Variants in CRY1 observed in about 807,000 individuals in gnomAD.
CRY1 encodes the protein cryptochrome-1.
CRY1 carries 45 observed loss-of-function variants against 76.0 expected under a neutral mutation model. The ratio of observed to expected loss-of-function variants is 0.59; its 90% CI spans 0.47 to 0.76. The LOEUF (loss-of-function observed/expected upper bound fraction) is 0.76, where lower values mean the gene tolerates loss of function less well. Ranked by LOEUF, CRY1 falls within the 30% of genes least tolerant of loss-of-function variation. CRY1 has a pLI of 0.00. For synonymous variants in CRY1, 248 were observed against 244.0 expected (o/e 1.02, Z -0.15); for missense variants, 587 against 716.4 (o/e 0.82, Z 2.06).
At chr12:107,021,684 G>A (rs1055367062) in intron 2 of CRY1, among the ~76,000 whole-genome samples, 7 of 151,302 alleles carry the variant, frequency 4.6e-5, no homozygotes, top group Admixed American at 4.0e-4. Context: ...ACACATGGAT[G>A]TGTGTGTGTG....
In CRY1 at chr12:107,001,852, T is replaced by G. The variant is rs143144195; in HGVS notation, c.507A>C (p.Thr169=). ...KMEPLEIPVE[T]ITSEVIEKCT... Reference sequence around the variant, plus strand: ...ACTTTTCTATCACTTCTGAAGTAATTGTCTCTACTGGTATCTCTAGTGGTT... The same window carrying G: ...ACTTTTCTATCACTTCTGAAGTAATGGTCTCTACTGGTATCTCTAGTGGTT... The change falls in exon 4 of 13, where the codon ACA becomes ACC. Residue 169 remains threonine (T), a synonymous_variant. Transcript: ENST00000008527. The G allele has an allele frequency of 6.3e-7, 1 of 1,594,918 alleles. No individual in the cohort carries two copies. Among genetic ancestry groups the G allele is most frequent in the East Asian group, 2.3e-5 (1 of 44,280 alleles).
intron 10 of CRY1, among the ~76,000 whole-genome samples, chr12:106,995,215 A>C (rs1182021744): frequency 6.6e-6 from 1 of 152,208 alleles, no homozygotes; most frequent in Non-Finnish European, 1.5e-5. Flanking sequence ...TACTGTGAGA[A>C]AGTATGCAAA....
At chr12:107,072,664 T>C (rs149112781) in intron 1 of CRY1, among the ~76,000 whole-genome samples, 2 of 152,336 alleles carry the variant, frequency 1.3e-5, no homozygotes, top group African/African-American at 2.4e-5. Context: ...CACTTGTGAA[T>C]AGAGATGTCA....
intron 1 of CRY1, among the ~76,000 whole-genome samples, chr12:107,061,274 C>T (rs1332928104): frequency 6.6e-6 from 1 of 151,996 alleles, no homozygotes; most frequent in East Asian, 1.9e-4. Flanking sequence ...AGTGATGGCT[C>T]ACTACTATAA....
chr12:107,064,563 AATC>A (rs1376541550), intron 1 of CRY1, among the ~76,000 whole-genome samples: 1 of 152,200 alleles, frequency 6.6e-6, no homozygotes, highest in Non-Finnish European at 1.5e-5. Context: ...AGAAGACAAA[AATC>A]ATCAACAGTG....
chr12:107,027,605 T>C (rs1593511653), intron 1 of CRY1, among the ~76,000 whole-genome samples: 2 of 152,194 alleles, frequency 1.3e-5, no homozygotes, highest in Non-Finnish European at 2.9e-5. Flanking sequence ...TTCTTCACTT[T>C]AAACATTTTA....
chr12:107,035,290 T>C (rs1022820013), intron 1 of CRY1, among the ~76,000 whole-genome samples: 1 of 152,202 alleles, frequency 6.6e-6, no homozygotes, highest in African/African-American at 2.4e-5. Flanking sequence ...ACTGCAAAAA[T>C]TTAGTCACTT....
intron 10 of CRY1, among the ~76,000 whole-genome samples, chr12:106,993,586 G>A (rs150291089): frequency 6.6e-6 from 1 of 152,030 alleles, no homozygotes; most frequent in African/African-American, 2.4e-5. Flanking sequence ...GTATGTTTTA[G>A]GGAAACATTT....
At chr12:107,003,339 C>T (rs938229932) in intron 3 of CRY1, among the ~76,000 whole-genome samples, 1 of 152,090 alleles carries the variant, frequency 6.6e-6, no homozygotes, top group Admixed American at 6.5e-5. Context: ...TTCACTATGG[C>T]CATTTGCTTA....
At chr12:106,996,413 A>G (rs759158786) in intron 10 of CRY1, among the ~76,000 whole-genome samples, 1 of 152,184 alleles carries the variant, frequency 6.6e-6, no homozygotes, top group African/African-American at 2.4e-5. Context: ...GCTAATGTGA[A>G]TAGTGCTGCA....
In CRY1 at chr12:107,001,354, C is replaced by T; in HGVS notation, c.610G>A (p.Gly204Ser). The change falls in exon 5 of 13, where the codon GGC becomes AGC. Residue 204 changes from glycine (G) to serine (S), a missense_variant. Coordinates refer to ENST00000008527, the MANE Select transcript of CRY1 (RefSeq NM_004075.5). ...CCTGGCCACACTGCAGAGGATAAGCCATCTGTATCAAAACCTACAAGAAAG... is the reference window on the plus strand; with the variant it reads ...CCTGGCCACACTGCAGAGGATAAGCTATCTGTATCAAAACCTACAAGAAAG... ...SLEELGFDTD[G>S]LSSAVWPGGE... 1 of 1,609,964 alleles carries T rather than the reference C, an allele frequency of 6.2e-7. No homozygotes were observed. The highest frequency in any genetic ancestry group is 1.3e-5 in the African/African-American group (1 of 74,756).
chr12:106,994,791 G>T (rs1409082202), intron 10 of CRY1, among the ~76,000 whole-genome samples: 1 of 152,156 alleles, frequency 6.6e-6, no homozygotes, highest in Non-Finnish European at 1.5e-5. Context: ...TTATCTTAGT[G>T]CTTCACAGAG....
rs1478315910 is a variant in CRY1 at position 107,074,704 on chromosome 12, T to TA, written c.158+18099dup. Reference sequence around the variant, plus strand: ...TAGAACTAGAAGGGACCTTGGCAATTATGTAGTTAACATACATTAAAACTA... The same window carrying TA: ...TAGAACTAGAAGGGACCTTGGCAATTAATGTAGTTAACATACATTAAAACTA... On this transcript the variant is annotated intron_variant, in intron 1 of 12. Coordinates refer to ENST00000008527, the MANE Select transcript of CRY1 (RefSeq NM_004075.5). Among the ~76,000 whole-genome samples the TA allele has an allele frequency of 4.4e-4, 67 of 152,314 alleles. 1 individual carries two copies. Among genetic ancestry groups the TA allele is most frequent in the African/African-American group, 1.6e-3 (65 of 41,578 alleles).
Position 107,016,389 on chromosome 12 carries a change from ATAAT to A in CRY1, c.267+5691_267+5694del, listed in dbSNP as rs1203697018. On this transcript the variant is annotated intron_variant, in intron 2 of 12. Coordinates refer to ENST00000008527, the MANE Select transcript of CRY1 (RefSeq NM_004075.5). Reference sequence around the variant, plus strand: ...AATTTTAAAAAAAAGTTCTTAAGTCATAATTAATATACTGTGAAAATAAGCAATG... The same window carrying A: ...AATTTTAAAAAAAAGTTCTTAAGTCATAATATACTGTGAAAATAAGCAATG... Among the ~76,000 whole-genome samples the A allele has an allele frequency of 6.6e-5, 10 of 152,348 alleles. No individual in the cohort carries two copies. The East Asian group carries it at 1.5e-3, about 23-fold the overall frequency.
At chr12:107,058,191 C>T (rs1953007070) in intron 1 of CRY1, among the ~76,000 whole-genome samples, 1 of 151,980 alleles carries the variant, frequency 6.6e-6, no homozygotes, top group African/African-American at 2.4e-5. Flanking sequence ...AGAATACAAG[C>T]CTATAACTCA....
chr12:106,998,021 C>T lies in CRY1; in HGVS notation c.1183G>A (p.Gly395Arg). The change falls in exon 8 of 13, where the codon GGA (glycine) becomes AGA (arginine). Residue 395 changes from glycine (G) to arginine (R), a missense_variant. Physicochemically the swap from Gly to Arg is moderately radical, Grantham distance 125. Coordinates refer to ENST00000008527, the MANE Select transcript of CRY1 (RefSeq NM_004075.5). ...LLDADWSINA[G>R]SWMWLSCSSF... ...CTACAAGACAGCCACATCCAACTTCCAGCATTTATGCTCCAATCTGCATCA... is the reference window on the plus strand; with the variant it reads ...CTACAAGACAGCCACATCCAACTTCTAGCATTTATGCTCCAATCTGCATCA... 6.2e-7 allele frequency: 1 copy of T among 1,614,132 alleles called. No individual in the cohort carries two copies. The highest frequency in any genetic ancestry group is 8.5e-7 in the Non-Finnish European group (1 of 1,179,984).
intron 1 of CRY1, among the ~76,000 whole-genome samples, chr12:107,060,200 A>G (rs999411785): frequency 2.0e-5 from 3 of 152,226 alleles, no homozygotes; most frequent in Non-Finnish European, 2.9e-5. Context: ...TATAGTTTGA[A>G]TGTGTCCCCC....
At position 107,001,909 on chromosome 12, in the gene CRY1, A is replaced by G; in HGVS notation, c.450T>C (p.Tyr150=). ...TGCTGATGAGAGTCTGGAATCTTTT[A>G]TAAGTTAGAGGCGGTTGTCCACCAT... ...ELNGGQPPLT[Y]KRFQTLISKM... The change falls in exon 4 of 13, where the codon TAT becomes TAC. Residue 150 remains tyrosine (Y), a synonymous_variant. Coordinates refer to ENST00000008527, the MANE Select transcript of CRY1 (RefSeq NM_004075.5). The G allele has an allele frequency of 4.4e-6, 7 of 1,599,130 alleles. No homozygotes were observed. Among genetic ancestry groups the G allele is most frequent in the Non-Finnish European group, 6.0e-6 (7 of 1,175,902 alleles).
In CRY1 at chr12:106,999,949, T is replaced by C. The variant is rs1254651211; in HGVS notation, c.818A>G (p.Tyr273Cys). Residue 273 changes from tyrosine to cysteine, a missense_variant, in exon 6 of 13, where the codon TAC becomes TGC. Physicochemically the swap from Tyr to Cys is radical, Grantham distance 194 (BLOSUM62 -2). Coordinates refer to ENST00000008527, the MANE Select transcript of CRY1 (RefSeq NM_004075.5). ...TCTAATTTTAGAGAATACCTTTTTG[T>C]AGAGATCTGTTAGTTTGAAGTAAAA... ...RLFYFKLTDL[Y>C]KKVKKNSSPP... The C allele has an allele frequency of 1.9e-6, 3 of 1,605,190 alleles. No individual in the cohort carries two copies. The highest frequency in any genetic ancestry group is 2.5e-6 in the Non-Finnish European group (3 of 1,177,986).
Sources: allele counts gnomAD v4.1 joint callset (sites outside exome capture counted in the v4.1 genomes callset), GRCh38; gene constraint gnomAD v4.1.1; transcripts MANE v1.5; gene names NCBI Gene and HGNC (gene_info 2026-07-23, HGNC 2026-07-21).